SULF1: variants seen among roughly 807,000 people sequenced by gnomAD.
The protein encoded by SULF1 is extracellular sulfatase Sulf-1.
Under a neutral mutation model 110.5 loss-of-function variants are expected in SULF1, and 46 were observed. That is an observed-to-expected ratio of 0.42 (90% confidence interval 0.33 to 0.53). The LOEUF is 0.53. SULF1 is among the 20% of genes least tolerant of loss of function. The pLI is 0.12. For synonymous variants in SULF1, 371 were observed against 387.1 expected (o/e 0.96, Z 0.49); for missense variants, 941 against 1,094.2 (o/e 0.86, Z 1.98).
chr8:69,573,393 T>C, intron 5 of SULF1, among the ~76,000 whole-genome samples: 1 of 152,208 alleles, frequency 6.6e-6, no homozygotes, highest in East Asian at 1.9e-4. Flanking sequence ...ATTTTGACTT[T>C]AAATCAGATT....
chr8:69,650,646 G>A (rs1003625275), intron 22 of SULF1, among the ~76,000 whole-genome samples: 7 of 152,088 alleles, frequency 4.6e-5, no homozygotes, highest in East Asian at 1.9e-4. Context: ...CCTCTCCTGC[G>A]TATTTATTTC....
rs553069258 is a variant in SULF1 at position 69,528,268 on chromosome 8, C to A, written c.-134+26300C>A. 2.1e-3 allele frequency among the ~76,000 whole-genome samples: 326 copies of A among 152,244 alleles called. 2 individuals carry two copies. Among genetic ancestry groups the A allele is most frequent in the African/African-American group, 7.0e-3 (292 of 41,556 alleles). On this transcript the variant is annotated intron_variant, in intron 3 of 22. Coordinates refer to ENST00000402687, the MANE Select transcript of SULF1 (RefSeq NM_001128205.2). ...TAGAACGGTAGAGGGTATAAATATG[C>A]TAATATTCTGAACCACACCAAATCC...
At chr8:69,544,251 G>T (rs980800426) in intron 3 of SULF1, among the ~76,000 whole-genome samples, 1 of 150,216 alleles carries the variant, frequency 6.7e-6, no homozygotes, top group Non-Finnish European at 1.5e-5. Context: ...CAAAACAAAT[G>T]TTTTTTTTTG....
At position 69,656,325 on chromosome 8, in the gene SULF1, T is replaced by C. The variant is rs191499203; in HGVS notation, c.2586-2180T>C. On this transcript the variant is annotated intron_variant, in intron 22 of 22. Coordinates refer to ENST00000402687, the MANE Select transcript of SULF1 (RefSeq NM_001128205.2). The stretch of plus-strand genomic sequence containing the variant: ...TTGTTGTCGTTGTTGTTTATTTTAT[T>C]TTTTTAAGTTCTGGGATACATGTGC... 3.2e-3 allele frequency among the ~76,000 whole-genome samples: 486 copies of C among 152,350 alleles called. 3 individuals carry two copies. Among genetic ancestry groups the C allele is most frequent in the Middle Eastern group, 0.02 (6 of 294 alleles).
At chr8:69,564,257 A>C (rs112453633) in intron 5 of SULF1, 110 bp downstream of exon 5, 1 of 1,285,620 alleles carries the variant, frequency 7.8e-7, no homozygotes, top group African/African-American at 1.5e-5. Flanking sequence ...TTGCACATTA[A>C]CCAACACCCT....
chr8:69,473,794 C>CA (rs1809191760), intron 1 of SULF1, among the ~76,000 whole-genome samples: 1 of 152,206 alleles, frequency 6.6e-6, no homozygotes, highest in Non-Finnish European at 1.5e-5. Flanking sequence ...AGCTGAGCAA[C>CA]AAACTGCTGT....
At chr8:69,550,448 A>T (rs1814613365) in intron 3 of SULF1, among the ~76,000 whole-genome samples, 1 of 152,118 alleles carries the variant, frequency 6.6e-6, no homozygotes, top group East Asian at 1.9e-4. Context: ...AAATTGTGGG[A>T]ATTTGGAAAC....
At chr8:69,523,435 G>A (rs1812452388) in intron 3 of SULF1, among the ~76,000 whole-genome samples, 1 of 152,144 alleles carries the variant, frequency 6.6e-6, no homozygotes, top group Non-Finnish European at 1.5e-5. Context: ...AATAAAGTAT[G>A]TTTGCGAGGC....
chr8:69,519,855 A>T (rs184045027), intron 3 of SULF1, among the ~76,000 whole-genome samples: 1 of 152,320 alleles, frequency 6.6e-6, no homozygotes, highest in African/African-American at 2.4e-5. Context: ...TAAAAAGTAG[A>T]CTCACAAAAT....
chr8:69,626,345 T>C (rs895202018), intron 15 of SULF1, among the ~76,000 whole-genome samples: 25 of 152,144 alleles, frequency 1.6e-4, no homozygotes, highest in African/African-American at 5.6e-4. Context: ...AGGATGCTGA[T>C]TGGTGTGTTT....
intron 19 of SULF1, among the ~76,000 whole-genome samples, chr8:69,636,814 A>T (rs1037713279): frequency 3.3e-5 from 5 of 152,168 alleles, no homozygotes; most frequent in Admixed American, 3.3e-4. Flanking sequence ...GGCTGCAGAC[A>T]TTGCAGTTTT....
intron 3 of SULF1, among the ~76,000 whole-genome samples, chr8:69,521,743 A>G (rs1027743470): frequency 1.3e-5 from 2 of 151,912 alleles, no homozygotes; most frequent in African/African-American, 4.8e-5. Context: ...CCACGGCAGG[A>G]TTTTGTACAA....
intron 22 of SULF1, among the ~76,000 whole-genome samples, chr8:69,650,372 C>T (rs1812238720): frequency 6.6e-6 from 1 of 152,090 alleles, no homozygotes; most frequent in South Asian, 2.1e-4. Context: ...AGGCTCACAC[C>T]TGTAATCCCA....
At chr8:69,473,849 C>T (rs1394600698) in intron 1 of SULF1, among the ~76,000 whole-genome samples, 1 of 152,190 alleles carries the variant, frequency 6.6e-6, no homozygotes, top group Non-Finnish European at 1.5e-5. Flanking sequence ...AAACTCTGAA[C>T]TAATTTTTTT....
chr8:69,639,288 TC>T (rs1811286910), intron 21 of SULF1, among the ~76,000 whole-genome samples: 1 of 152,176 alleles, frequency 6.6e-6, no homozygotes, highest in African/African-American at 2.4e-5. Context: ...AGTTTGGAGT[TC>T]CCCCAGTTGG....
intron 5 of SULF1, among the ~76,000 whole-genome samples, chr8:69,575,078 G>A (rs1224367809): frequency 6.6e-6 from 1 of 152,146 alleles, no homozygotes; most frequent in African/African-American, 2.4e-5. Context: ...CTTGGCTGTA[G>A]TGCTCTGTAG....
intron 3 of SULF1, among the ~76,000 whole-genome samples, chr8:69,508,265 C>G (rs1811329143): frequency 6.6e-6 from 1 of 152,096 alleles, no homozygotes; most frequent in African/African-American, 2.4e-5. Flanking sequence ...GCCACCACGC[C>G]CAGCTAATTT....
intron 12 of SULF1, among the ~76,000 whole-genome samples, chr8:69,604,095 T>C (rs555143581): frequency 1.3e-5 from 2 of 152,306 alleles, no homozygotes; most frequent in East Asian, 3.9e-4. Flanking sequence ...CCCCAAAATA[T>C]GTATAATTGT....
Position 69,493,094 on chromosome 8 carries a change from T to C in SULF1, c.-422T>C, listed in dbSNP as rs79820523. ...TGCCTCCTCCCTGTTCCCAGAGCTT[T>C]TTCTCTAGAGAAGATTTTGAAGGCG... On this transcript the variant is annotated 5_prime_UTR_variant, in exon 1 of 23. Coordinates refer to ENST00000402687, the MANE Select transcript of SULF1 (RefSeq NM_001128205.2). The C allele has an allele frequency of 6.5e-6, 1 of 152,810 alleles. No homozygotes were observed. Among genetic ancestry groups the C allele is most frequent in the East Asian group, 1.9e-4 (1 of 5,178 alleles). The allele number at this position is 152,810 out of a possible 1,614,324, so 9.5% of individuals were successfully genotyped here.
Sources: gnomAD v4.1 joint callset for allele counts (sites outside exome capture counted in the v4.1 genomes callset) on GRCh38, gnomAD v4.1.1 for gene constraint, MANE v1.5 for transcripts, NCBI Gene and HGNC (gene_info 2026-07-23, HGNC 2026-07-21) for gene names.